The following ELOVL2 variants were observed in gnomAD, a reference collection of about 807,000 sequenced individuals.
ELOVL2 encodes the protein ELOVL fatty acid elongase 2, also known as very long chain fatty acid elongase 2.
In ELOVL2, 38 loss-of-function variants were observed where a neutral mutation model predicts 37.7. The observed-to-expected ratio is 1.01, with a 90% CI of 0.78 to 1.32. ELOVL2 has a LOEUF of 1.32. ELOVL2 is among the 40% of genes most tolerant of loss of function. The pLI is 0.00. For synonymous variants in ELOVL2, 115 were observed against 122.3 expected (o/e 0.94, Z 0.40); for missense variants, 352 against 363.6 (o/e 0.97, Z 0.26).
At chr6:11,038,839 TTAAA>T (rs1174429227) in intron 1 of ELOVL2, among the ~76,000 whole-genome samples, 6 of 152,196 alleles carry the variant, frequency 3.9e-5, no homozygotes, top group South Asian at 2.1e-4. Flanking sequence ...ATTGTGATAA[TTAAA>T]TAATTTTAAA....
At chr6:11,014,661 T>C (rs1318009600) in intron 1 of ELOVL2, among the ~76,000 whole-genome samples, 2 of 151,754 alleles carry the variant, frequency 1.3e-5, no homozygotes, top group Non-Finnish European at 1.5e-5. Context: ...GTGTATACTA[T>C]ATGTACTTGT....
At chr6:11,013,350 T>C (rs1782616595) in intron 1 of ELOVL2, among the ~76,000 whole-genome samples, 1 of 151,722 alleles carries the variant, frequency 6.6e-6, no homozygotes, top group African/African-American at 2.4e-5. Flanking sequence ...CACAGAGAGG[T>C]CTGCAGTGTT....
chr6:10,989,982 T>G (rs938500793), intron 6 of ELOVL2, 145 bp from the exon 7 acceptor site: 1 of 919,098 alleles, frequency 1.1e-6, no homozygotes, highest in Non-Finnish European at 1.6e-6. Context: ...AGCAGCCCCC[T>G]CATCCAGAAA....
intron 1 of ELOVL2, among the ~76,000 whole-genome samples, chr6:11,040,371 G>A (rs1268842028): frequency 1.3e-5 from 2 of 152,096 alleles, no homozygotes; most frequent in Admixed American, 1.3e-4. Context: ...TGGCCACTGA[G>A]CCGCTGAAAT....
chr6:11,043,033 A>G (rs1468491049), intron 1 of ELOVL2, among the ~76,000 whole-genome samples: 4 of 152,196 alleles, frequency 2.6e-5, no homozygotes, highest in Non-Finnish European at 5.9e-5. Flanking sequence ...TGCTCAAGAG[A>G]AGACAAATGA....
At position 10,981,395 on chromosome 6, in the gene ELOVL2, G is replaced by C. The variant is rs905194447; in HGVS notation, c.*2386C>G. Reference sequence around the variant, plus strand: ...TAACGACAGGTTAAAATGTTTACCTGATTTATTTTTTGTGGCTAAGATTTC... The same window carrying C: ...TAACGACAGGTTAAAATGTTTACCTCATTTATTTTTTGTGGCTAAGATTTC... On this transcript the variant is annotated 3_prime_UTR_variant, in exon 8 of 8. Transcript: ENST00000354666. The C allele has an allele frequency of 6.6e-6, 1 of 152,526 alleles. No homozygotes were observed. Among genetic ancestry groups the C allele is most frequent in the Non-Finnish European group, 1.5e-5 (1 of 68,014 alleles). The allele number at this position is 152,526 out of a possible 1,614,324, so 9.4% of individuals were successfully genotyped here. A position where few individuals can be genotyped will look rare whatever the true frequency, so the allele number is the denominator to read the frequency against.
chr6:11,003,386 T>C (rs1035542025), intron 3 of ELOVL2, among the ~76,000 whole-genome samples: 5 of 152,192 alleles, frequency 3.3e-5, no homozygotes, highest in African/African-American at 1.2e-4. Flanking sequence ...CTCCCACTTA[T>C]AAGTGAGAAC....
chr6:10,985,915 T>C (rs566769849), intron 7 of ELOVL2, among the ~76,000 whole-genome samples: 133 of 152,172 alleles, frequency 8.7e-4, no homozygotes, highest in African/African-American at 2.8e-3. Context: ...GGGGATGGCA[T>C]TGAATCTATA....
chr6:11,035,934 CA>C, intron 1 of ELOVL2, among the ~76,000 whole-genome samples: 1 of 152,122 alleles, frequency 6.6e-6, no homozygotes, highest in Middle Eastern at 3.4e-3. Context: ...TGTATCTAAT[CA>C]AAAAAATGAC....
chr6:11,035,986 A>G (rs1222621263), intron 1 of ELOVL2, among the ~76,000 whole-genome samples: 1 of 152,230 alleles, frequency 6.6e-6, no homozygotes, highest in Non-Finnish European at 1.5e-5. Context: ...AATTTTAAAG[A>G]ATATGTATTC....
At chr6:11,029,597 C>T (rs1782891956) in intron 1 of ELOVL2, among the ~76,000 whole-genome samples, 1 of 152,160 alleles carries the variant, frequency 6.6e-6, no homozygotes, top group African/African-American at 2.4e-5. Context: ...AGGGGAGTGA[C>T]ATCGTATAGC....
intron 4 of ELOVL2, among the ~76,000 whole-genome samples, chr6:10,999,343 A>G (rs1054798323): frequency 1.3e-5 from 2 of 150,976 alleles, no homozygotes; most frequent in African/African-American, 4.9e-5. Context: ...CTTCTCCTGT[A>G]TCCCCTCTGC....
intron 2 of ELOVL2, among the ~76,000 whole-genome samples, chr6:11,010,378 T>C (rs576354710): frequency 6.6e-6 from 1 of 152,206 alleles, no homozygotes; most frequent in East Asian, 1.9e-4. Flanking sequence ...AAATGTCACA[T>C]ATAACTAGGA....
chr6:11,043,962 G>C, intron 1 of ELOVL2: 1 of 315,944 alleles, frequency 3.2e-6, no homozygotes, highest in East Asian at 5.1e-5. Flanking sequence ...GGCGCCTCGA[G>C]GTGCCGGGGC....
intron 1 of ELOVL2, among the ~76,000 whole-genome samples, chr6:11,018,417 C>A (rs1196105533): frequency 6.6e-6 from 1 of 152,190 alleles, no homozygotes; most frequent in East Asian, 1.9e-4. Context: ...TTTCTCATTT[C>A]TTTACCAAAC....
chr6:11,032,059 TATCAATGA>T (rs1782937392), intron 1 of ELOVL2, among the ~76,000 whole-genome samples: 1 of 152,192 alleles, frequency 6.6e-6, no homozygotes, highest in Admixed American at 6.5e-5. Flanking sequence ...CTCTTGTACA[TATCAATGA>T]ACTAAAAGTC....
In ELOVL2 at chr6:11,000,126, CTG is replaced by C; in HGVS notation, c.292_293del (p.Gln98ValfsTer11). 1.2e-6 allele frequency: 2 copies of C among 1,614,198 alleles called. No individual in the cohort carries two copies. The highest frequency in any genetic ancestry group is 8.5e-7 in the Non-Finnish European group (1 of 1,180,032). On this transcript the variant is annotated frameshift_variant, in exon 4 of 8. Coordinates refer to ENST00000354666, the MANE Select transcript of ELOVL2 (RefSeq NM_017770.4). LOFTEE classifies it high-confidence loss of function. ...LSTWEGGYNLQCQDLTSAGEA... is the reference protein window; with the variant it reads ...LSTWEGGYNLXCQDLTSAGEA... The stretch of plus-strand genomic sequence containing the variant: ...CCCCTGCGCTGGTAAGATCTTGACA[CTG>C]TAAGTTGTAGCCTCCTTCCCAAGTG...
chr6:10,986,532 T>C (rs904155011), intron 7 of ELOVL2, among the ~76,000 whole-genome samples: 3 of 152,222 alleles, frequency 2.0e-5, no homozygotes, highest in African/African-American at 7.2e-5. Context: ...CATCAATACC[T>C]AATTTACTGA....
At chr6:11,021,250 C>G (rs1236058232) in intron 1 of ELOVL2, among the ~76,000 whole-genome samples, 3 of 152,226 alleles carry the variant, frequency 2.0e-5, no homozygotes, top group African/African-American at 7.2e-5. Flanking sequence ...TTCCCTCTGC[C>G]TGGATATGCC....
Sources: allele counts gnomAD v4.1 joint callset (sites outside exome capture counted in the v4.1 genomes callset), GRCh38; gene constraint gnomAD v4.1.1; transcripts MANE v1.5; gene names NCBI Gene and HGNC (gene_info 2026-07-23, HGNC 2026-07-21).